Variants in COLGALT2 observed in about 807,000 individuals in gnomAD.
COLGALT2 encodes the protein collagen beta(1-O)galactosyltransferase 2, also known as procollagen galactosyltransferase 2.
A neutral mutation model predicts 73.4 loss-of-function variants in COLGALT2; 49 were observed. That is an observed-to-expected ratio of 0.67 (90% CI 0.53 to 0.85). The LOEUF (loss-of-function observed/expected upper bound fraction) is 0.85, where lower values mean the gene tolerates loss of function less well. Ranked by LOEUF, COLGALT2 falls within the 40% of genes least tolerant of loss-of-function variation. COLGALT2 has a pLI of 0.00. For missense variants in COLGALT2, 722 were observed against 790.2 expected, an observed-to-expected ratio of 0.91 and a Z score of 1.03; for synonymous variants, 295 against 307.6, an observed-to-expected ratio of 0.96 and a Z score of 0.43.
chr1:184,011,981 A>C (rs904589003), intron 1 of COLGALT2, among the ~76,000 whole-genome samples: 1 of 152,230 alleles, frequency 6.6e-6, no homozygotes, highest in Non-Finnish European at 1.5e-5. Flanking sequence ...AAATAAGGGA[A>C]GGAAAAGGGC....
intron 1 of COLGALT2, among the ~76,000 whole-genome samples, chr1:184,019,346 A>C (rs1381394237): frequency 6.6e-6 from 1 of 152,208 alleles, no homozygotes; most frequent in Non-Finnish European, 1.5e-5. Context: ...TTTCCTCAGG[A>C]CAGAGCTAAT....
At chr1:184,032,758 C>T (rs9332418) in intron 1 of COLGALT2, among the ~76,000 whole-genome samples, 33,361 of 152,122 alleles carry the variant, frequency 0.22, 3,838 homozygotes, top group East Asian at 0.47. Context: ...ATTCTTACCA[C>T]TGGTGCTGAA....
chr1:183,965,513 G>A (rs1268428760), intron 5 of COLGALT2, among the ~76,000 whole-genome samples: 2 of 152,162 alleles, frequency 1.3e-5, no homozygotes, highest in African/African-American at 2.4e-5. Flanking sequence ...AGAGGAGGAC[G>A]ATTATAACCA....
At chr1:183,981,763 T>A (rs2986569) in intron 1 of COLGALT2, among the ~76,000 whole-genome samples, 88,820 of 151,648 alleles carry the variant, frequency 0.59, 29,646 homozygotes, top group Non-Finnish European at 0.76. Flanking sequence ...TTCAAAAAAT[T>A]TTTTTTATCT....
At chr1:184,024,000 G>A (rs998543316) in intron 1 of COLGALT2, among the ~76,000 whole-genome samples, 1 of 152,054 alleles carries the variant, frequency 6.6e-6, no homozygotes, top group Non-Finnish European at 1.5e-5. Flanking sequence ...TTTGAGACAT[G>A]GATAAGTCAA....
intron 1 of COLGALT2, among the ~76,000 whole-genome samples, chr1:183,981,249 T>C (rs1671342155): frequency 6.6e-6 from 1 of 152,150 alleles, no homozygotes; most frequent in African/African-American, 2.4e-5. Context: ...ATATATATGA[T>C]ATAATACAGT....
In COLGALT2 at chr1:183,936,466, C is replaced by G. The variant is rs1229828326; in HGVS notation, c.*2295G>C. 82 of 991,234 alleles carry G rather than the reference C, an allele frequency of 8.3e-5. No homozygotes were observed. Among genetic ancestry groups the G allele is most frequent in the Middle Eastern group, 1.0e-3 (2 of 1,968 alleles). 61.4% of individuals were successfully genotyped at this position (991,234 alleles called of 1,614,324 possible). A position where few individuals can be genotyped will look rare whatever the true frequency, so the allele number is the denominator to read the frequency against. ...AGTCTAAAATGCTAGAATTTAAGTCCAAAGTCTTTTAAGAATGAGAGTTCT... is the reference window on the plus strand; with the variant it reads ...AGTCTAAAATGCTAGAATTTAAGTCGAAAGTCTTTTAAGAATGAGAGTTCT... On this transcript the variant is annotated 3_prime_UTR_variant, in exon 12 of 12. Coordinates refer to ENST00000361927, the MANE Select transcript of COLGALT2 (RefSeq NM_015101.4).
chr1:184,027,662 C>G (rs1471714459), intron 1 of COLGALT2, among the ~76,000 whole-genome samples: 1 of 152,126 alleles, frequency 6.6e-6, no homozygotes, highest in African/African-American at 2.4e-5. Flanking sequence ...TGGATTTATC[C>G]ACATAGACAA....
rs1157081566 is a variant in COLGALT2 at position 183,975,220 on chromosome 1, A to G, written c.375-6T>C. 1.3e-6 allele frequency: 2 copies of G among 1,569,422 alleles called. No individual in the cohort carries two copies. The highest frequency in any genetic ancestry group is 3.3e-5 in the Admixed American group (2 of 59,756). ...CAATTTCATCAGGGTAAGACCTAAA[A>G]TAATAATAATAGCTCATCATTATTG... On this transcript the variant is annotated splice_region_variant and splice_polypyrimidine_tract_variant and intron_variant, in intron 2 of 11. Coordinates refer to ENST00000361927, the MANE Select transcript of COLGALT2 (RefSeq NM_015101.4).
intron 1 of COLGALT2, among the ~76,000 whole-genome samples, chr1:183,981,456 C>T (rs115709766): frequency 0.015 from 2,325 of 151,494 alleles, 17 homozygotes; most frequent in Non-Finnish European, 0.026. Context: ...AGTTTGAGAC[C>T]AGCCTGATCT....
At chr1:183,960,072 C>G (rs138846910) in intron 6 of COLGALT2, among the ~76,000 whole-genome samples, 4 of 152,140 alleles carry the variant, frequency 2.6e-5, no homozygotes, top group African/African-American at 9.7e-5. Context: ...CTGCTTTATG[C>G]CCAGCATCTT....
In COLGALT2 at chr1:183,995,978, G is replaced by A. The variant is rs940039419; in HGVS notation, c.264-17458C>T. On this transcript the variant is annotated intron_variant, in intron 1 of 11. Transcript: ENST00000361927. ...GTTTTTAACTTTTCAATCTTATTGA[G>A]CTCTGTTCTTTTAAACTCTTTTACC... Among the ~76,000 whole-genome samples the A allele has an allele frequency of 3.9e-5, 6 of 151,932 alleles. No homozygotes were observed. The East Asian group carries it at 1.2e-3, about 29-fold the overall frequency.
chr1:183,966,571 A>C (rs1670877815), intron 5 of COLGALT2, among the ~76,000 whole-genome samples: 1 of 152,164 alleles, frequency 6.6e-6, no homozygotes, highest in African/African-American at 2.4e-5. Context: ...TCACTAGGGG[A>C]TTGCCATCCC....
chr1:184,036,146 GCA>G (rs1649666672), intron 1 of COLGALT2, among the ~76,000 whole-genome samples: 1 of 152,162 alleles, frequency 6.6e-6, no homozygotes, highest in African/African-American at 2.4e-5. Context: ...CTACCTGACA[GCA>G]CATCTCCCCT....
At chr1:183,977,349 T>TA (rs1381766980) in intron 2 of COLGALT2, among the ~76,000 whole-genome samples, 1 of 151,714 alleles carries the variant, frequency 6.6e-6, no homozygotes, top group Admixed American at 6.6e-5. Flanking sequence ...CACACACCTG[T>TA]AGTCCCAGCT....
At chr1:183,989,793 C>G (rs1671582668) in intron 1 of COLGALT2, among the ~76,000 whole-genome samples, 1 of 152,210 alleles carries the variant, frequency 6.6e-6, no homozygotes, top group Non-Finnish European at 1.5e-5. Flanking sequence ...CTTGAACTCT[C>G]TGTGCTTTGT....
chr1:184,037,195 C>T lies in COLGALT2; in HGVS notation c.163G>A (p.Val55Met). Residue 55 changes from valine (V) to methionine (M), a missense_variant, in exon 1 of 12, where the codon GTG (valine) becomes ATG (methionine). Physicochemically the swap from Val to Met is conservative, Grantham distance 21. Transcript: ENST00000361927. ...TTGCGGGCGAGGACCGCCACGAGCACCGTGGGGCTCTGCAGGGGCGACTCC... is the reference window on the plus strand; with the variant it reads ...TTGCGGGCGAGGACCGCCACGAGCATCGTGGGGCTCTGCAGGGGCGACTCC... ...FPESPLQSPT[V>M]LVAVLARNAA... The T allele has an allele frequency of 6.2e-7, 1 of 1,605,164 alleles. No individual in the cohort carries two copies. Among genetic ancestry groups the T allele is most frequent in the Non-Finnish European group, 8.5e-7 (1 of 1,177,288 alleles).
chr1:183,986,572 A>G lies in COLGALT2; in HGVS notation c.264-8052T>C, dbSNP rs540130180. Among the ~76,000 whole-genome samples the G allele has an allele frequency of 2.8e-3, 432 of 152,324 alleles. 3 individuals are homozygous for G. The highest frequency in any genetic ancestry group is 5.3e-3 in the Non-Finnish European group (358 of 68,028). On this transcript the variant is annotated intron_variant, in intron 1 of 11. Coordinates refer to ENST00000361927, the MANE Select transcript of COLGALT2 (RefSeq NM_015101.4). ...TGATGGTAAAATTTGCTGATTGACC[A>G]GTTAACAGTCAATTCAAAAGCCCAT...
downstream of COLGALT2, among the ~76,000 whole-genome samples, chr1:183,932,097 C>CTG (rs138366690): frequency 2.8e-4 from 43 of 151,574 alleles, 1 homozygote; most frequent in East Asian, 3.1e-3. Context: ...ATGTATCAGG[C>CTG]TGTGTGTGTG....
Sources: gnomAD v4.1 joint callset for allele counts (sites outside exome capture counted in the v4.1 genomes callset) on GRCh38, gnomAD v4.1.1 for gene constraint, MANE v1.5 for transcripts, NCBI Gene and HGNC (gene_info 2026-07-23, HGNC 2026-07-21) for gene names.